TOMM70: variants seen among roughly 807,000 people sequenced by gnomAD.
The protein encoded by TOMM70 is translocase of outer mitochondrial membrane 70.
A neutral mutation model predicts 73.6 loss-of-function variants in TOMM70; 13 were observed. The observed-to-expected ratio is 0.18, with a 90% CI of 0.11 to 0.28. The LOEUF is 0.28. Among genes scored for constraint, TOMM70 ranks in the 10% least tolerant of loss-of-function variants. The pLI is 1.00. For synonymous variants in TOMM70, 257 were observed against 271.2 expected, an observed-to-expected ratio of 0.95 and a Z score of 0.51; for missense variants, 609 against 747.5, an observed-to-expected ratio of 0.81 and a Z score of 2.16.
rs1706885102 is a variant in TOMM70 at position 100,400,608 on chromosome 3, C to A, written c.324+18G>T. Reference sequence around the variant, plus strand: ...CACGAGCCAGTTTCCTCCTCTACGGCCTGGGGCTGCTTCTCACCATGTCCA... The same window carrying A: ...CACGAGCCAGTTTCCTCCTCTACGGACTGGGGCTGCTTCTCACCATGTCCA... On this transcript the variant is annotated intron_variant, in intron 1 of 11. Transcript: ENST00000284320. The A allele has an allele frequency of 6.2e-7, 1 of 1,607,268 alleles. No individual in the cohort carries two copies.
intron 5 of TOMM70, among the ~76,000 whole-genome samples, chr3:100,380,310 T>G (rs1706618379): frequency 6.6e-6 from 1 of 151,588 alleles, no homozygotes; most frequent in Admixed American, 6.6e-5. Flanking sequence ...GCACCACCAC[T>G]GCACTCTAGC....
At chr3:100,374,248 A>G (rs1163006284) in intron 7 of TOMM70, among the ~76,000 whole-genome samples, 1 of 152,202 alleles carries the variant, frequency 6.6e-6, no homozygotes, top group African/African-American at 2.4e-5. Flanking sequence ...CATGCTATAC[A>G]CGTTTGTAGC....
chr3:100,381,744 G>A lies in TOMM70; in HGVS notation c.755C>T (p.Pro252Leu). Residue 252 changes from proline (P) to leucine (L), a missense_variant, in exon 5 of 12, where the codon CCA becomes CTA. By Grantham distance (98) the Pro-to-Leu change is moderately conservative. This residue lies in a region of TOMM70 where 432 missense variants were observed against 584.1 expected (regional missense o/e 0.74). Transcript: ENST00000284320. ...GTAAGATTTGATAAACTGTGGAGAT[G>A]GCATCAGAGGTTCACGATTCTGAAA... ...EKYKNREPLMPSPQFIKSYFS... is the reference protein window; with the variant it reads ...EKYKNREPLMLSPQFIKSYFS... The A allele has an allele frequency of 6.2e-7, 1 of 1,600,476 alleles. No homozygotes were observed. Among genetic ancestry groups the A allele is most frequent in the African/African-American group, 1.3e-5 (1 of 74,706 alleles).
At chr3:100,371,664 A>G (rs1213428365) in intron 9 of TOMM70, among the ~76,000 whole-genome samples, 3 of 152,226 alleles carry the variant, frequency 2.0e-5, no homozygotes, top group Non-Finnish European at 4.4e-5. Context: ...AGAAAAATAA[A>G]TTACATAGAG....
intron 10 of TOMM70, among the ~76,000 whole-genome samples, chr3:100,368,489 C>T (rs1426414515): frequency 1.3e-4 from 20 of 152,268 alleles, no homozygotes; most frequent in South Asian, 4.2e-4. Flanking sequence ...GTGTATGCTT[C>T]GTATTTGGAT....
rs763355510 is a variant in TOMM70 at position 100,386,992 on chromosome 3, A to T, written c.325-14T>A. 4 of 1,610,680 alleles carry T rather than the reference A, an allele frequency of 2.5e-6. No individual in the cohort carries two copies. The highest frequency in any genetic ancestry group is 3.4e-6 in the Non-Finnish European group (4 of 1,178,866). On this transcript the variant is annotated splice_polypyrimidine_tract_variant and intron_variant, in intron 1 of 11. Transcript: ENST00000284320. ...ATCAAGAGAGTTCTGAAATGAGAGG[A>T]AACAATTATCAAACACTAATCAACA... is the stretch of plus-strand genomic sequence containing the variant.
intron 1 of TOMM70, among the ~76,000 whole-genome samples, chr3:100,391,271 CT>C (rs1430902243): frequency 1.3e-5 from 2 of 152,100 alleles, no homozygotes; most frequent in South Asian, 2.1e-4. Flanking sequence ...TATACTCCTA[CT>C]TTTTTTTAAA....
intron 11 of TOMM70, 152 bp downstream of exon 11, chr3:100,367,892 T>C (rs1706463422): frequency 2.5e-6 from 2 of 787,170 alleles, no homozygotes; most frequent in Non-Finnish European, 3.5e-6. Context: ...CCAATCCTTA[T>C]GTCACTGCCT....
chr3:100,400,520 C>T, intron 1 of TOMM70, 106 bp downstream of exon 1: 1 of 1,335,520 alleles, frequency 7.5e-7, no homozygotes, highest in Admixed American at 2.1e-5. Flanking sequence ...GTTGTGCTGC[C>T]GCTTGGCAGC....
chr3:100,392,770 AC>A (rs1706777660), intron 1 of TOMM70, among the ~76,000 whole-genome samples: 1 of 152,176 alleles, frequency 6.6e-6, no homozygotes, highest in African/African-American at 2.4e-5. Flanking sequence ...GAGTAGGTCT[AC>A]CATTTGATTC....
At chr3:100,390,306 C>T (rs7616634) in intron 1 of TOMM70, among the ~76,000 whole-genome samples, 22,808 of 152,118 alleles carry the variant, frequency 0.15, 3,156 homozygotes, top group East Asian at 0.49. Flanking sequence ...AGAACTATTA[C>T]TGATAGAAAC....
Position 100,381,317 on chromosome 3 carries a change from G to A in TOMM70, c.884+298C>T, listed in dbSNP as rs78515050. 9.9e-3 allele frequency among the ~76,000 whole-genome samples: 1,513 copies of A among 152,102 alleles called. 22 individuals are homozygous for A. The highest frequency in any genetic ancestry group is 0.035 in the African/African-American group (1,464 of 41,478). ...CAAGTTATTGCCTCTATTCAAACAC[G>A]GTCAGCCACTGGATTCAATCGGAGT... On this transcript the variant is annotated intron_variant, in intron 5 of 11. Coordinates refer to ENST00000284320, the MANE Select transcript of TOMM70 (RefSeq NM_014820.5).
chr3:100,393,353 C>T (rs1706784918), intron 1 of TOMM70, among the ~76,000 whole-genome samples: 1 of 151,998 alleles, frequency 6.6e-6, no homozygotes, highest in Admixed American at 6.5e-5. Flanking sequence ...AAATGGGAAA[C>T]CAAATACCAT....
At position 100,400,769 on chromosome 3, in the gene TOMM70, G is replaced by T. The variant is rs372350246; in HGVS notation, c.181C>A (p.Arg61=). The part of the protein sequence containing the change: ...LGAGAIYLWS[R]QQRRREARGR... ...CTGGCCTCCCGGCGCCGTTGCTGCCGACTCCACAGGTATATGGCACCCGCG... is the reference window on the plus strand; with the variant it reads ...CTGGCCTCCCGGCGCCGTTGCTGCCTACTCCACAGGTATATGGCACCCGCG... The change falls in exon 1 of 12, where the codon CGG becomes AGG. Residue 61 remains arginine, a synonymous_variant. Coordinates refer to ENST00000284320, the MANE Select transcript of TOMM70 (RefSeq NM_014820.5). The T allele has an allele frequency of 1.9e-6, 3 of 1,581,674 alleles. No individual in the cohort carries two copies. The highest frequency in any genetic ancestry group is 8.6e-7 in the Non-Finnish European group (1 of 1,168,472).
chr3:100,378,136 A>G (rs1295889932), intron 5 of TOMM70, among the ~76,000 whole-genome samples: 1 of 152,006 alleles, frequency 6.6e-6, no homozygotes, highest in Non-Finnish European at 1.5e-5. Flanking sequence ...CCAGATACTT[A>G]GGAGGCTGAG....
Position 100,401,019 on chromosome 3 carries a change from A to C in TOMM70, c.-70T>G, listed in dbSNP as rs1706896399. On this transcript the variant is annotated 5_prime_UTR_variant, in exon 1 of 12. Transcript: ENST00000284320. ...ACAATCACCAAACAGCGTGCGAAGG[A>C]AGACCGAGGGAGGGAAGGAAAGCAA... 8 of 1,449,394 alleles carry C rather than the reference A, an allele frequency of 5.5e-6. No homozygotes were observed. The highest frequency in any genetic ancestry group is 7.4e-6 in the Non-Finnish European group (8 of 1,075,902). The allele number at this position is 1,449,394 out of a possible 1,614,324, so 89.8% of individuals were successfully genotyped here.
Position 100,397,883 on chromosome 3 carries a change from C to A in TOMM70, c.324+2743G>T, listed in dbSNP as rs773174122. ...CAGCCTGGGTGACAGAGTGAGACTC[C>A]GTATCAAAAAAAAAAAGTTATTTGT... On this transcript the variant is annotated intron_variant, in intron 1 of 11. Coordinates refer to ENST00000284320, the MANE Select transcript of TOMM70 (RefSeq NM_014820.5). Among the ~76,000 whole-genome samples the A allele has an allele frequency of 9.2e-4, 136 of 147,326 alleles. 3 individuals are homozygous for A. Among genetic ancestry groups the A allele is most frequent in the Non-Finnish European group, 2.6e-4 (17 of 66,582 alleles).
At chr3:100,371,088 T>C (rs1259819014) in intron 9 of TOMM70, among the ~76,000 whole-genome samples, 1 of 152,138 alleles carries the variant, frequency 6.6e-6, no homozygotes, top group Non-Finnish European at 1.5e-5. Context: ...GACCTACCTC[T>C]AAAGAACAGA....
intron 11 of TOMM70, among the ~76,000 whole-genome samples, chr3:100,367,344 G>A (rs1706456465): frequency 6.6e-6 from 1 of 152,174 alleles, no homozygotes. Flanking sequence ...GACTACAGGA[G>A]GGGCTGAATG....
Sources: gnomAD v4.1 joint callset for allele counts (sites outside exome capture counted in the v4.1 genomes callset) on GRCh38, gnomAD v4.1.1 for gene constraint, gnomAD v4.1.1 regional missense constraint, MANE v1.5 for transcripts, NCBI Gene and HGNC (gene_info 2026-07-23, HGNC 2026-07-21) for gene names.